The following PLD5 variants were observed in gnomAD, a reference collection of about 807,000 sequenced individuals.
PLD5 encodes the protein phospholipase D family member 5.
Under a neutral mutation model 61.1 loss-of-function variants are expected in PLD5, and 36 were observed. The ratio of observed to expected loss-of-function variants is 0.59; its 90% CI spans 0.45 to 0.78. The LOEUF is 0.78. Ranked by LOEUF, PLD5 falls within the 30% of genes least tolerant of loss-of-function variation. PLD5 has a pLI of 0.00. For synonymous variants in PLD5, 243 were observed against 242.8 expected (o/e 1.00, Z -0.01); for missense variants, 515 against 644.4 (o/e 0.80, Z 2.17).
intron 1 of PLD5, among the ~76,000 whole-genome samples, chr1:242,368,011 T>TAAAATA (rs1402682358): frequency 6.6e-6 from 1 of 152,200 alleles, no homozygotes; most frequent in East Asian, 1.9e-4. Context: ...AAAGTCCTGT[T>TAAAATA]AAAATAATTG....
chr1:242,208,733 C>T (rs771913702), intron 5 of PLD5, among the ~76,000 whole-genome samples: 1 of 152,180 alleles, frequency 6.6e-6, no homozygotes, highest in Admixed American at 6.5e-5. Flanking sequence ...CACCCCTGTG[C>T]TCCTGTACCC....
At chr1:242,218,984 C>G (rs1483485639) in intron 5 of PLD5, among the ~76,000 whole-genome samples, 1 of 152,212 alleles carries the variant, frequency 6.6e-6, no homozygotes, top group Non-Finnish European at 1.5e-5. Flanking sequence ...ATTTCTTCCA[C>G]TTACCATAAA....
At chr1:242,365,014 A>G (rs1265648108) in intron 1 of PLD5, among the ~76,000 whole-genome samples, 1 of 152,016 alleles carries the variant, frequency 6.6e-6, no homozygotes, top group African/African-American at 2.4e-5. Flanking sequence ...AAATATCTCT[A>G]TGAGAAACAG....
intron 4 of PLD5, among the ~76,000 whole-genome samples, chr1:242,259,307 C>T (rs114870648): frequency 1.1e-3 from 155 of 145,746 alleles, no homozygotes; most frequent in Non-Finnish European, 1.0e-3. Flanking sequence ...AGACATCACC[C>T]CTCTCTCTCT....
At chr1:242,144,645 G>A (rs1664421977) in intron 5 of PLD5, among the ~76,000 whole-genome samples, 1 of 152,150 alleles carries the variant, frequency 6.6e-6, no homozygotes, top group East Asian at 1.9e-4. Flanking sequence ...GCTGGGTGTG[G>A]TGGCACGTGC....
intron 9 of PLD5, among the ~76,000 whole-genome samples, chr1:242,094,538 T>C (rs1467389643): frequency 3.3e-5 from 5 of 152,038 alleles, no homozygotes; most frequent in Admixed American, 6.5e-5. Context: ...TGCTGATAAT[T>C]ATTTAAATTA....
intron 4 of PLD5, among the ~76,000 whole-genome samples, chr1:242,221,999 T>C (rs1670621113): frequency 6.6e-6 from 1 of 152,152 alleles, no homozygotes; most frequent in Non-Finnish European, 1.5e-5. Context: ...AGGGCCAAAC[T>C]TCCTCTGGGA....
At chr1:242,499,055 C>T (rs914938179) in intron 1 of PLD5, among the ~76,000 whole-genome samples, 4 of 152,134 alleles carry the variant, frequency 2.6e-5, no homozygotes, top group South Asian at 2.1e-4. Flanking sequence ...AACGTTTTTA[C>T]AATTTACTCT....
chr1:242,240,096 G>T (rs1210787721), intron 4 of PLD5, among the ~76,000 whole-genome samples: 4 of 152,192 alleles, frequency 2.6e-5, no homozygotes, highest in Non-Finnish European at 5.9e-5. Flanking sequence ...CTCCCGAGTT[G>T]GCTGTCAAGA....
intron 2 of PLD5, among the ~76,000 whole-genome samples, chr1:242,290,792 T>A (rs2149141111): frequency 6.6e-6 from 1 of 150,982 alleles, no homozygotes; most frequent in Admixed American, 6.6e-5. Context: ...AAAACCAACA[T>A]ATTGTCTCTT....
chr1:242,394,436 A>G (rs1193212881), intron 1 of PLD5, among the ~76,000 whole-genome samples: 1 of 108,588 alleles, frequency 9.2e-6, no homozygotes. Flanking sequence ...GTATATGAGT[A>G]TATATGTGTG....
chr1:242,142,204 A>G (rs904095332), intron 5 of PLD5, among the ~76,000 whole-genome samples: 12 of 152,216 alleles, frequency 7.9e-5, no homozygotes, highest in African/African-American at 2.9e-4. Flanking sequence ...TGTGGGGAGC[A>G]TAAATGCCAC....
At chr1:242,343,077 T>G (rs529935469) in intron 2 of PLD5, among the ~76,000 whole-genome samples, 38 of 152,188 alleles carry the variant, frequency 2.5e-4, no homozygotes, top group African/African-American at 8.9e-4. Context: ...GAGAGGCTAG[T>G]TAGCAGAAAT....
intron 1 of PLD5, among the ~76,000 whole-genome samples, chr1:242,466,529 C>A (rs922895112): frequency 2.6e-5 from 4 of 152,104 alleles, no homozygotes; most frequent in Non-Finnish European, 5.9e-5. Context: ...ATGGATGAAC[C>A]TGTACGACAT....
intron 5 of PLD5, among the ~76,000 whole-genome samples, chr1:242,210,043 C>T (rs1669700289): frequency 6.6e-6 from 1 of 152,202 alleles, no homozygotes; most frequent in South Asian, 2.1e-4. Context: ...GATCTGCCCG[C>T]CTCGGCCTCC....
intron 5 of PLD5, among the ~76,000 whole-genome samples, chr1:242,126,809 C>T (rs1276413914): frequency 2.0e-5 from 3 of 152,026 alleles, no homozygotes; most frequent in Admixed American, 6.6e-5. Context: ...AATAAATAGC[C>T]GGGACTTAAT....
At chr1:242,493,259 C>T (rs1002617197) in intron 1 of PLD5, among the ~76,000 whole-genome samples, 2 of 152,124 alleles carry the variant, frequency 1.3e-5, no homozygotes, top group African/African-American at 4.8e-5. Flanking sequence ...GAGGAAAGGG[C>T]AACCTGTGGA....
At chr1:242,294,346 C>A (rs910064445) in intron 2 of PLD5, among the ~76,000 whole-genome samples, 1 of 152,126 alleles carries the variant, frequency 6.6e-6, no homozygotes, top group African/African-American at 2.4e-5. Context: ...TGTATTTATT[C>A]TCCAAACTTA....
chr1:242,373,096 AG>A (rs570901513), intron 1 of PLD5, among the ~76,000 whole-genome samples: 2 of 152,366 alleles, frequency 1.3e-5, no homozygotes, highest in Admixed American at 1.3e-4. Context: ...CAAATTTACA[AG>A]AAAAAAACAA....
Sources: allele counts gnomAD v4.1 joint callset (sites outside exome capture counted in the v4.1 genomes callset), GRCh38; gene constraint gnomAD v4.1.1; transcripts MANE v1.5; gene names NCBI Gene and HGNC (gene_info 2026-07-23, HGNC 2026-07-21).